IRX3: variants seen among roughly 807,000 people sequenced by gnomAD.
IRX3 encodes the protein iroquois-class homeodomain protein IRX-3.
In IRX3, 20 loss-of-function variants were observed where a neutral mutation model predicts 36.4. That is an observed-to-expected ratio of 0.55 (90% CI 0.39 to 0.80). IRX3 has a LOEUF of 0.80. Ranked by LOEUF, IRX3 falls within the 30% of genes least tolerant of loss-of-function variation. IRX3 has a pLI of 0.00. For synonymous variants in IRX3, 404 were observed against 351.6 expected (o/e 1.15, Z -1.67); for missense variants, 718 against 733.2 (o/e 0.98, Z 0.24).
In IRX3 at chr16:54,285,228, T is replaced by C. The variant is rs1465301616; in HGVS notation, c.653A>G (p.Asp218Gly). 1 of 1,611,206 alleles carries C rather than the reference T, an allele frequency of 6.2e-7. No individual in the cohort carries two copies. The highest frequency in any genetic ancestry group is 1.1e-5 in the South Asian group (1 of 90,762). ...TAGCTCGCGTTTGCCGTCCTCCTCG[T>C]CCTCCTCTTCGTCTTCCTCCTCGCG... ...SEREEEDEEE[D>G]EEDGKRELEL... Residue 218 changes from aspartate to glycine, a missense_variant, in exon 2 of 4, where the codon GAC (aspartate) becomes GGC (glycine). Physicochemically the swap from Asp to Gly is moderately conservative, Grantham distance 94 (BLOSUM62 -1). Around this residue, in one of 3 missense-constraint regions of IRX3, gnomAD observed 468 missense variants for 462.1 expected, o/e 1.01. Coordinates refer to ENST00000329734, the MANE Select transcript of IRX3 (RefSeq NM_024336.3). The surrounding 1 kb of genome is among the most constrained non-coding windows in gnomAD (Gnocchi z 5.7).
Position 54,285,818 on chromosome 16 carries a change from G to GGCA in IRX3, c.230_232dup (p.Leu77dup). On this transcript the variant is annotated inframe_insertion, in exon 1 of 4. Transcript: ENST00000329734. The surrounding 1 kb of genome is among the most constrained non-coding windows in gnomAD (Gnocchi z 5.7). ...GAAGATGGGCAGCTCCGCGGCGTAG[G>GGCA]GCAGGAAGGCGCCGTAGCCTTGGGC... The GGCA allele has an allele frequency of 6.4e-7, 1 of 1,566,550 alleles. No individual in the cohort carries two copies. The highest frequency in any genetic ancestry group is 1.2e-5 in the South Asian group (1 of 86,070).
Position 54,285,174 on chromosome 16 carries a change from TC to T in IRX3, c.706del (p.Glu236ArgfsTer24). 6 of 1,596,114 alleles carry T rather than the reference TC, an allele frequency of 3.8e-6. No individual in the cohort carries two copies. Among genetic ancestry groups the T allele is most frequent in the Non-Finnish European group, 1.7e-6 (2 of 1,171,312 alleles). On this transcript the variant is annotated frameshift_variant, in exon 2 of 4. Coordinates refer to ENST00000329734, the MANE Select transcript of IRX3 (RefSeq NM_024336.3). LOFTEE classifies it high-confidence loss of function. The surrounding 1 kb of genome is among the most constrained non-coding windows in gnomAD (Gnocchi z 5.7). ...LELEEEELGG[E>X]EEDTGGEGLA... ...GCCCTCGCCCCCCGTGTCCTCCTCC[TC>T]CCCCCCGAGCTCCTCCTCCTCCAGC...
Position 54,283,882 on chromosome 16 carries a change from GTGTTGGGGTTTAAC to G in IRX3, c.1452-156_1452-143del. 1.3e-6 allele frequency: 2 copies of G among 1,509,038 alleles called. No homozygotes were observed. The highest frequency in any genetic ancestry group is 1.8e-6 in the Non-Finnish European group (2 of 1,126,730). The allele number at this position is 1,509,038 out of a possible 1,614,324, so 93.5% of individuals were successfully genotyped here. A position where few individuals can be genotyped will look rare whatever the true frequency, so the allele number is the denominator to read the frequency against. On this transcript the variant is annotated intron_variant, in intron 3 of 3. Transcript: ENST00000329734. This position sits in a 1 kb window ranked among gnomAD's most constrained non-coding sequence, Gnocchi z 4.4. ...AAATTATGTCCAGTTGTAGATGTGT[GTGTTGGGGTTTAAC>G]TGTAGGGTGGGCACGAGGCGTCAGG...
rs1459600842 is a variant in IRX3 at position 54,283,962 on chromosome 16, C to T, written c.1452-222G>A. 2 of 985,250 alleles carry T rather than the reference C, an allele frequency of 2.0e-6. No homozygotes were observed. The highest frequency in any genetic ancestry group is 3.5e-5 in the African/African-American group (2 of 57,234). 61.0% of individuals were successfully genotyped at this position (985,250 alleles called of 1,614,324 possible). On this transcript the variant is annotated intron_variant, in intron 3 of 3. Coordinates refer to ENST00000329734, the MANE Select transcript of IRX3 (RefSeq NM_024336.3). The surrounding 1 kb of genome is among the most constrained non-coding windows in gnomAD (Gnocchi z 4.4). ...CTGGAAAGAGGTGGGCGTCAGAGAA[C>T]CGCCACCCGCCCCAGGGGCCTGTGG... is the stretch of plus-strand genomic sequence containing the variant.
Position 54,285,941 on chromosome 16 carries a change from C to A in IRX3, c.110G>T (p.Gly37Val). ...GGCGTTCAGCTCCGAGGCTCCGGCA[C>A]CCAGGCCGCCCCGGGCCCCCGCGCT... ...GGSAGARGGL[G>V]AGASELNASG... The change falls in exon 1 of 4, where the codon GGT becomes GTT. Residue 37 changes from glycine (G) to valine (V), a missense_variant. Transcript: ENST00000329734. This position sits in a 1 kb window ranked among gnomAD's most constrained non-coding sequence, Gnocchi z 5.7. The A allele has an allele frequency of 6.9e-7, 1 of 1,455,702 alleles. No homozygotes were observed. Among genetic ancestry groups the A allele is most frequent in the Non-Finnish European group, 9.1e-7 (1 of 1,101,688 alleles). 90.2% of individuals were successfully genotyped at this position (1,455,702 alleles called of 1,614,324 possible). A position where few individuals can be genotyped will look rare whatever the true frequency, so the allele number is the denominator to read the frequency against.
At position 54,284,571 on chromosome 16, in the gene IRX3, C is replaced by A; in HGVS notation, c.1310G>T (p.Gly437Val). The A allele has an allele frequency of 7.1e-7, 1 of 1,410,890 alleles. No homozygotes were observed. The highest frequency in any genetic ancestry group is 9.1e-7 in the Non-Finnish European group (1 of 1,094,894). The allele number at this position is 1,410,890 out of a possible 1,614,324, so 87.4% of individuals were successfully genotyped here. A position where few individuals can be genotyped will look rare whatever the true frequency, so the allele number is the denominator to read the frequency against. Reference protein sequence around the residue: ...LLGSAPPHLLGLPGAAGHPAA... With the variant: ...LLGSAPPHLLVLPGAAGHPAA... Reference sequence around the variant, plus strand: ...CGGGTGGCCCGCGGCTCCGGGAAGTCCCAGCAGGTGCGGAGGGGCAGAGCC... The same window carrying A: ...CGGGTGGCCCGCGGCTCCGGGAAGTACCAGCAGGTGCGGAGGGGCAGAGCC... Residue 437 changes from glycine to valine, a missense_variant, in exon 2 of 4, where the codon GGA becomes GTA. Physicochemically the swap from Gly to Val is moderately radical, Grantham distance 109. Around this residue, in one of 3 missense-constraint regions of IRX3, gnomAD observed 468 missense variants for 462.1 expected, o/e 1.01. Coordinates refer to ENST00000329734, the MANE Select transcript of IRX3 (RefSeq NM_024336.3). This position sits in a 1 kb window ranked among gnomAD's most constrained non-coding sequence, Gnocchi z 4.0.
In IRX3 at chr16:54,283,698, G is replaced by T; in HGVS notation, c.1494C>A (p.Leu498=). 2.2e-6 allele frequency: 3 copies of T among 1,347,218 alleles called. No individual in the cohort carries two copies. Among genetic ancestry groups the T allele is most frequent in the Non-Finnish European group, 3.2e-6 (3 of 936,592 alleles). The allele number at this position is 1,347,218 out of a possible 1,614,324, so 83.5% of individuals were successfully genotyped here. ...TTTTTTTAAAGAACTAGGATGAGGA[G>T]AGAGCCGATAAGACCAGGGCGGCGT... ...HLDAALVLSA[L]SSS The change falls in exon 4 of 4, where the codon CTC becomes CTA. Residue 498 remains leucine, a synonymous_variant. Coordinates refer to ENST00000329734, the MANE Select transcript of IRX3 (RefSeq NM_024336.3). The surrounding 1 kb of genome is among the most constrained non-coding windows in gnomAD (Gnocchi z 4.4).
At position 54,283,634 on chromosome 16, in the gene IRX3, T is replaced by A; in HGVS notation, c.*52A>T. On this transcript the variant is annotated 3_prime_UTR_variant, in exon 4 of 4. Coordinates refer to ENST00000329734, the MANE Select transcript of IRX3 (RefSeq NM_024336.3). The surrounding 1 kb of genome is among the most constrained non-coding windows in gnomAD (Gnocchi z 4.4). Reference sequence around the variant, plus strand: ...TACAGAGCGATTTTTTTTATACAATTATTACAACGATTAAAAAAAGTTTTT... The same window carrying A: ...TACAGAGCGATTTTTTTTATACAATAATTACAACGATTAAAAAAAGTTTTT... 1 of 843,504 alleles carries A rather than the reference T, an allele frequency of 1.2e-6. No homozygotes were observed. Among genetic ancestry groups the A allele is most frequent in the Non-Finnish European group, 2.0e-6 (1 of 509,410 alleles). 52.3% of individuals were successfully genotyped at this position (843,504 alleles called of 1,614,324 possible).
At position 54,285,931 on chromosome 16, in the gene IRX3, G is replaced by A. The variant is rs1286376513; in HGVS notation, c.120C>T (p.Ala40=). Residue 40 remains alanine (A), a synonymous_variant, in exon 1 of 4, where the codon GCC becomes GCT. Coordinates refer to ENST00000329734, the MANE Select transcript of IRX3 (RefSeq NM_024336.3). This position sits in a 1 kb window ranked among gnomAD's most constrained non-coding sequence, Gnocchi z 5.7. The stretch of plus-strand genomic sequence containing the variant: ...GGGACCCCGAGGCGTTCAGCTCCGA[G>A]GCTCCGGCACCCAGGCCGCCCCGGG... The part of the protein sequence containing the change: ...AGARGGLGAG[A]SELNASGSLS... The A allele has an allele frequency of 6.7e-7, 1 of 1,485,948 alleles. No homozygotes were observed. 92.0% of individuals were successfully genotyped at this position (1,485,948 alleles called of 1,614,324 possible). A position where few individuals can be genotyped will look rare whatever the true frequency, so the allele number is the denominator to read the frequency against.
chr16:54,284,807 G>C lies in IRX3; in HGVS notation c.1074C>G (p.Ser358Arg), dbSNP rs1410395292. 3.3e-6 allele frequency: 5 copies of C among 1,495,304 alleles called. No homozygotes were observed. Among genetic ancestry groups the C allele is most frequent in the Non-Finnish European group, 4.4e-6 (5 of 1,131,228 alleles). 92.6% of individuals were successfully genotyped at this position (1,495,304 alleles called of 1,614,324 possible). A position where few individuals can be genotyped will look rare whatever the true frequency, so the allele number is the denominator to read the frequency against. Residue 358 changes from serine to arginine, a missense_variant, in exon 2 of 4, where the codon AGC becomes AGG. Ser to Arg is a moderately radical substitution (Grantham distance 110). This residue lies in a region of IRX3 where 468 missense variants were observed against 462.1 expected (regional missense o/e 1.01). Transcript: ENST00000329734. The surrounding 1 kb of genome is among the most constrained non-coding windows in gnomAD (Gnocchi z 4.0). The part of the protein sequence containing the change: ...KIWSLAETAT[S>R]PDNPRRSPPG... ...GAGGCGAGCGGCGCGGGTTGTCCGG[G>C]CTTGTGGCAGTCTCCGCGAGGGACC...
In IRX3 at chr16:54,285,219, TC is replaced by T. The variant is rs767645868; in HGVS notation, c.661del (p.Asp221ThrfsTer6). On this transcript the variant is annotated frameshift_variant, in exon 2 of 4. Coordinates refer to ENST00000329734, the MANE Select transcript of IRX3 (RefSeq NM_024336.3). LOFTEE classifies it high-confidence loss of function. This position sits in a 1 kb window ranked among gnomAD's most constrained non-coding sequence, Gnocchi z 5.7. ...EEEDEEEDEE[D>X]GKRELELEEE... ...CTCCAGCTCTAGCTCGCGTTTGCCG[TC>T]CTCCTCGTCCTCCTCTTCGTCTTCC... 1 of 1,607,650 alleles carries T rather than the reference TC, an allele frequency of 6.2e-7. No homozygotes were observed. The highest frequency in any genetic ancestry group is 1.1e-5 in the South Asian group (1 of 90,434).
At position 54,284,188 on chromosome 16, in the gene IRX3, G is replaced by A. The variant is rs975471017; in HGVS notation, c.1451+58C>T. 2.6e-6 allele frequency: 4 copies of A among 1,509,462 alleles called. No individual in the cohort carries two copies. The highest frequency in any genetic ancestry group is 1.2e-5 in the South Asian group (1 of 86,400). 93.5% of individuals were successfully genotyped at this position (1,509,462 alleles called of 1,614,324 possible). On this transcript the variant is annotated intron_variant, in intron 3 of 3. Transcript: ENST00000329734. This position sits in a 1 kb window ranked among gnomAD's most constrained non-coding sequence, Gnocchi z 4.0. ...CAAAAGGCCGTGCGTGGTGCTCGGCGTCCTCTCCTTTCCCCGCCAGCCAGT... is the reference window on the plus strand; with the variant it reads ...CAAAAGGCCGTGCGTGGTGCTCGGCATCCTCTCCTTTCCCCGCCAGCCAGT...
rs1901274084 is a variant in IRX3, at chr16:54,284,755, C to T, written c.1126G>A (p.Ala376Thr). The change falls in exon 2 of 4, where the codon GCA (alanine) becomes ACA (threonine). Residue 376 changes from alanine to threonine, a missense_variant. Coordinates refer to ENST00000329734, the MANE Select transcript of IRX3 (RefSeq NM_024336.3). This position sits in a 1 kb window ranked among gnomAD's most constrained non-coding sequence, Gnocchi z 4.0. ...TGCAGGGCGGAAGGCGCGACCGCTGCCCCCGGTGGAGACCCCCCCGCGCCG... is the reference window on the plus strand; with the variant it reads ...TGCAGGGCGGAAGGCGCGACCGCTGTCCCCGGTGGAGACCCCCCCGCGCCG... ...PPGAGGSPPG[A>T]AVAPSALQLS... is the part of the protein sequence containing the mutation. 9 of 1,455,854 alleles carry T rather than the reference C, an allele frequency of 6.2e-6. No homozygotes were observed. Among genetic ancestry groups the T allele is most frequent in the Non-Finnish European group, 4.5e-6 (5 of 1,117,050 alleles). The allele number at this position is 1,455,854 out of a possible 1,614,324, so 90.2% of individuals were successfully genotyped here. A position where few individuals can be genotyped will look rare whatever the true frequency, so the allele number is the denominator to read the frequency against.
In IRX3 at chr16:54,284,554, CCG is replaced by C; in HGVS notation, c.1325_1326del (p.Ala442GlyfsTer23). ...AAGGCGGCGGCGGCAGCCGGGTGGC[CCG>C]CGGCTCCGGGAAGTCCCAGCAGGTG... ...PPHLLGLPGA[A>X]GHPAAAAAFA... On this transcript the variant is annotated frameshift_variant, in exon 2 of 4. Coordinates refer to ENST00000329734, the MANE Select transcript of IRX3 (RefSeq NM_024336.3). LOFTEE classifies it high-confidence loss of function. This position sits in a 1 kb window ranked among gnomAD's most constrained non-coding sequence, Gnocchi z 4.0. The C allele has an allele frequency of 7.1e-7, 1 of 1,418,214 alleles. No individual in the cohort carries two copies. The highest frequency in any genetic ancestry group is 1.5e-5 in the African/African-American group (1 of 66,514). The allele number at this position is 1,418,214 out of a possible 1,614,324, so 87.9% of individuals were successfully genotyped here. A position where few individuals can be genotyped will look rare whatever the true frequency, so the allele number is the denominator to read the frequency against.
chr16:54,286,000 G>T lies in IRX3; in HGVS notation c.51C>A (p.Ser17=). Residue 17 remains serine, a synonymous_variant, in exon 1 of 4, where the codon TCC becomes TCA. Transcript: ENST00000329734. This position sits in a 1 kb window ranked among gnomAD's most constrained non-coding sequence, Gnocchi z 5.7. ...TGCCGCCAGCGGCCCCCGGGCGCTC[G>T]GACGGGTAAAGCGGGCGGATGTATT... is the stretch of plus-strand genomic sequence containing the variant. ...GYQYIRPLYP[S]ERPGAAGGSG... is the part of the protein sequence containing the mutation. The T allele has an allele frequency of 7.4e-7, 1 of 1,353,480 alleles. No individual in the cohort carries two copies. Among genetic ancestry groups the T allele is most frequent in the South Asian group, 2.0e-5 (1 of 50,198 alleles). 83.8% of individuals were successfully genotyped at this position (1,353,480 alleles called of 1,614,324 possible).
Position 54,285,999 on chromosome 16 carries a change from C to G in IRX3, c.52G>C (p.Glu18Gln). 1 of 1,353,448 alleles carries G rather than the reference C, an allele frequency of 7.4e-7. No individual in the cohort carries two copies. The highest frequency in any genetic ancestry group is 2.0e-5 in the South Asian group (1 of 50,168). 83.8% of individuals were successfully genotyped at this position (1,353,448 alleles called of 1,614,324 possible). ...CTGCCGCCAGCGGCCCCCGGGCGCT[C>G]GGACGGGTAAAGCGGGCGGATGTAT... ...YQYIRPLYPS[E>Q]RPGAAGGSGG... The change falls in exon 1 of 4, where the codon GAG becomes CAG. Residue 18 changes from glutamate (E) to glutamine (Q), a missense_variant. By Grantham distance (29) the Glu-to-Gln change is conservative. Coordinates refer to ENST00000329734, the MANE Select transcript of IRX3 (RefSeq NM_024336.3). This position sits in a 1 kb window ranked among gnomAD's most constrained non-coding sequence, Gnocchi z 5.7.
Position 54,284,538 on chromosome 16 carries a change from G to A in IRX3, c.1343C>T (p.Ala448Val). Reference protein sequence around the residue: ...LPGAAGHPAAAAAFARPAEPE... With the variant: ...LPGAAGHPAAVAAFARPAEPE... ...CTCCGCTGGCCGAGCGAAGGCGGCGGCGGCAGCCGGGTGGCCCGCGGCTCC... is the reference window on the plus strand; with the variant it reads ...CTCCGCTGGCCGAGCGAAGGCGGCGACGGCAGCCGGGTGGCCCGCGGCTCC... The change falls in exon 2 of 4, where the codon GCC becomes GTC. Residue 448 changes from alanine to valine, a missense_variant. Physicochemically the swap from Ala to Val is moderately conservative, Grantham distance 64 (BLOSUM62 0). This residue lies in a region of IRX3 where 468 missense variants were observed against 462.1 expected (regional missense o/e 1.01). Coordinates refer to ENST00000329734, the MANE Select transcript of IRX3 (RefSeq NM_024336.3). The surrounding 1 kb of genome is among the most constrained non-coding windows in gnomAD (Gnocchi z 4.0). 7.0e-7 allele frequency: 1 copy of A among 1,418,628 alleles called. No homozygotes were observed. The highest frequency in any genetic ancestry group is 1.5e-5 in the South Asian group (1 of 65,584). The allele number at this position is 1,418,628 out of a possible 1,614,324, so 87.9% of individuals were successfully genotyped here. A position where few individuals can be genotyped will look rare whatever the true frequency, so the allele number is the denominator to read the frequency against.
In IRX3 at chr16:54,284,896, C is replaced by CG; in HGVS notation, c.984dup (p.Val329ArgfsTer137). 1 of 1,572,406 alleles carries CG rather than the reference C, an allele frequency of 6.4e-7. No individual in the cohort carries two copies. On this transcript the variant is annotated frameshift_variant, in exon 2 of 4. Coordinates refer to ENST00000329734, the MANE Select transcript of IRX3 (RefSeq NM_024336.3). LOFTEE classifies it high-confidence loss of function. This position sits in a 1 kb window ranked among gnomAD's most constrained non-coding sequence, Gnocchi z 4.0. ...GCGGGAGCGCAGGGGTCCAGGCTCA[C>CG]GGGGGGCGACGGCAGAGACGGCGAG...
rs977114036 is a variant in IRX3 at position 54,285,209 on chromosome 16, G to C, written c.672C>G (p.Arg224=). 1 of 1,603,748 alleles carries C rather than the reference G, an allele frequency of 6.2e-7. No homozygotes were observed. Among genetic ancestry groups the C allele is most frequent in the Non-Finnish European group, 8.5e-7 (1 of 1,175,710 alleles). Residue 224 remains arginine, a synonymous_variant, in exon 2 of 4, where the codon CGC becomes CGG. Transcript: ENST00000329734. The surrounding 1 kb of genome is among the most constrained non-coding windows in gnomAD (Gnocchi z 5.7). ...DEEEDEEDGK[R]ELELEEEELG... Reference sequence around the variant, plus strand: ...GCTCCTCCTCCTCCAGCTCTAGCTCGCGTTTGCCGTCCTCCTCGTCCTCCT... The same window carrying C: ...GCTCCTCCTCCTCCAGCTCTAGCTCCCGTTTGCCGTCCTCCTCGTCCTCCT...
Sources: gnomAD v4.1 joint callset for allele counts on GRCh38, gnomAD v4.1.1 for gene constraint, gnomAD v4.1.1 regional missense constraint, Gnocchi (gnomAD v3.1) non-coding constraint, MANE v1.5 for transcripts, NCBI Gene and HGNC (gene_info 2026-07-23, HGNC 2026-07-21) for gene names.